CACNA1D: variants seen among roughly 807,000 people sequenced by gnomAD.
The protein encoded by CACNA1D is calcium voltage-gated channel subunit alpha1 D, also known as voltage-dependent L-type calcium channel subunit alpha-1D.
A neutral mutation model predicts 257.1 loss-of-function variants in CACNA1D; 55 were observed. That is an observed-to-expected ratio of 0.21 (90% CI 0.17 to 0.27). CACNA1D has a LOEUF of 0.27. Among genes scored for constraint, CACNA1D ranks in the 10% least tolerant of loss-of-function variants. The pLI is 1.00. For missense variants in CACNA1D, 1,876 were observed against 2,784.0 expected, an observed-to-expected ratio of 0.67 and a Z score of 7.34; for synonymous variants, 980 against 1,014.9, an observed-to-expected ratio of 0.97 and a Z score of 0.65.
At chr3:53,634,219 A>C (rs1024976849) in intron 3 of CACNA1D, among the ~76,000 whole-genome samples, 3 of 152,214 alleles carry the variant, frequency 2.0e-5, no homozygotes, top group African/African-American at 7.2e-5. Context: ...AAATGTAATG[A>C]TTTCAGTTGG....
At chr3:53,570,151 A>G (rs2107683418) in intron 3 of CACNA1D, among the ~76,000 whole-genome samples, 1 of 152,326 alleles carries the variant, frequency 6.6e-6, no homozygotes, top group South Asian at 2.1e-4. Flanking sequence ...TAAAAGTTAG[A>G]TTTGATTTAC....
At chr3:53,524,824 A>G (rs2091701371) in intron 3 of CACNA1D, among the ~76,000 whole-genome samples, 1 of 152,106 alleles carries the variant, frequency 6.6e-6, no homozygotes, top group African/African-American at 2.4e-5. Context: ...GGTTTTAAAC[A>G]CTCACTCACT....
At chr3:53,801,481 T>A (rs2095535573) in intron 42 of CACNA1D, 56 bp downstream of exon 42, 1 of 1,605,714 alleles carries the variant, frequency 6.2e-7, no homozygotes, top group Admixed American at 1.7e-5. Flanking sequence ...GTGTTGCGTC[T>A]AGTCCCAAGG....
intron 9 of CACNA1D, among the ~76,000 whole-genome samples, chr3:53,705,359 A>G (rs2094676049): frequency 6.6e-6 from 1 of 152,184 alleles, no homozygotes; most frequent in South Asian, 2.1e-4. Flanking sequence ...ATTGCTCAGT[A>G]ATATAATCTA....
intron 4 of CACNA1D, among the ~76,000 whole-genome samples, chr3:53,654,463 A>G (rs573929485): frequency 6.6e-6 from 1 of 152,334 alleles, no homozygotes; most frequent in South Asian, 2.1e-4. Context: ...GTACTTATAC[A>G]GTAGTTGGAA....
At chr3:53,521,476 G>A (rs908068115) in intron 3 of CACNA1D, among the ~76,000 whole-genome samples, 2 of 152,176 alleles carry the variant, frequency 1.3e-5, no homozygotes, top group African/African-American at 4.8e-5. Flanking sequence ...TCGGAGTAAC[G>A]GGAGGCACTG....
chr3:53,784,904 C>G (rs2095444803), intron 39 of CACNA1D, among the ~76,000 whole-genome samples: 1 of 152,164 alleles, frequency 6.6e-6, no homozygotes, highest in South Asian at 2.1e-4. Context: ...GGATCCCAGA[C>G]TCAAGGAGCA....
chr3:53,583,941 CAGT>C (rs1467168081), intron 3 of CACNA1D, among the ~76,000 whole-genome samples: 1 of 152,158 alleles, frequency 6.6e-6, no homozygotes, highest in Non-Finnish European at 1.5e-5. Flanking sequence ...TGACTTTCTA[CAGT>C]CACAAGCATC....
intron 3 of CACNA1D, among the ~76,000 whole-genome samples, chr3:53,649,219 C>T (rs1008668203): frequency 1.3e-5 from 2 of 152,146 alleles, no homozygotes; most frequent in African/African-American, 2.4e-5. Flanking sequence ...TAATAGGTGA[C>T]GGTTCCTCAA....
chr3:53,737,862 T>G (rs1040254885), intron 20 of CACNA1D, among the ~76,000 whole-genome samples: 3 of 152,022 alleles, frequency 2.0e-5, no homozygotes, highest in African/African-American at 7.3e-5. Context: ...AAGTCAAGGG[T>G]TTTCTATTAG....
At chr3:53,662,655 T>C (rs1204021122) in intron 5 of CACNA1D, among the ~76,000 whole-genome samples, 1 of 152,204 alleles carries the variant, frequency 6.6e-6, no homozygotes, top group Non-Finnish European at 1.5e-5. Context: ...CCCGGTGTTC[T>C]TCCCACTTCT....
intron 3 of CACNA1D, among the ~76,000 whole-genome samples, chr3:53,629,061 G>C (rs1195925448): frequency 6.6e-6 from 1 of 152,218 alleles, no homozygotes; most frequent in Non-Finnish European, 1.5e-5. Flanking sequence ...TGTGGGCCGT[G>C]TGGTTTCTGT....
chr3:53,690,487 C>A (rs547803598), intron 8 of CACNA1D, among the ~76,000 whole-genome samples: 6 of 152,134 alleles, frequency 3.9e-5, no homozygotes, highest in Non-Finnish European at 8.8e-5. Context: ...AGTCTCTGAG[C>A]CCAGCCCTGG....
At chr3:53,554,752 C>T (rs1422449659) in intron 3 of CACNA1D, among the ~76,000 whole-genome samples, 2 of 152,166 alleles carry the variant, frequency 1.3e-5, no homozygotes, top group East Asian at 1.9e-4. Flanking sequence ...TGTAACCACC[C>T]AGGGACCAGC....
At chr3:53,611,632 G>A (rs1010750240) in intron 3 of CACNA1D, among the ~76,000 whole-genome samples, 6 of 151,972 alleles carry the variant, frequency 3.9e-5, no homozygotes, top group African/African-American at 7.2e-5. Context: ...CCAGAACTTC[G>A]ATTACATGTA....
intron 3 of CACNA1D, among the ~76,000 whole-genome samples, chr3:53,617,282 C>T (rs1055834054): frequency 1.3e-5 from 2 of 152,068 alleles, no homozygotes; most frequent in South Asian, 2.1e-4. Flanking sequence ...CAAAGCCCTC[C>T]GATGTCAGTG....
intron 3 of CACNA1D, among the ~76,000 whole-genome samples, chr3:53,627,103 C>G (rs909269155): frequency 3.3e-5 from 5 of 152,196 alleles, no homozygotes; most frequent in Non-Finnish European, 7.3e-5. Flanking sequence ...GCAGCAGCAC[C>G]CTTGGTCTGA....
intron 8 of CACNA1D, among the ~76,000 whole-genome samples, chr3:53,685,058 C>T (rs2612018): frequency 0.7 from 106,815 of 151,996 alleles, 38,717 homozygotes; most frequent in East Asian, 0.9. Context: ...TTGCATTGGA[C>T]GAAAATGTAC....
At chr3:53,766,979 C>G (rs2095335969) in intron 30 of CACNA1D, among the ~76,000 whole-genome samples, 1 of 152,186 alleles carries the variant, frequency 6.6e-6, no homozygotes, top group African/African-American at 2.4e-5. Flanking sequence ...TCCACCAGTT[C>G]CCTTCATGTT....
Sources: gnomAD v4.1 joint callset for allele counts (sites outside exome capture counted in the v4.1 genomes callset) on GRCh38, gnomAD v4.1.1 for gene constraint, MANE v1.5 for transcripts, NCBI Gene and HGNC (gene_info 2026-07-23, HGNC 2026-07-21) for gene names.